Variants in TMEM117 observed in about 807,000 individuals in gnomAD.
TMEM117 encodes transmembrane protein 117.
In TMEM117, 27 loss-of-function variants were observed where a neutral mutation model predicts 52.4. The ratio of observed to expected loss-of-function variants is 0.51; its 90% CI spans 0.38 to 0.71. The LOEUF is 0.71. Among genes scored for constraint, TMEM117 ranks in the 30% least tolerant of loss-of-function variants. The pLI, the probability that TMEM117 is intolerant of heterozygous loss-of-function variation, is 0.00. For synonymous variants in TMEM117, 215 were observed against 206.3 expected (o/e 1.04, Z -0.36); for missense variants, 556 against 630.5 (o/e 0.88, Z 1.26).
At position 44,376,380 on chromosome 12, in the gene TMEM117, T is replaced by C. The variant is rs932065428; in HGVS notation, c.769-215T>C. The C allele has an allele frequency of 4.8e-6, 3 of 623,958 alleles. No individual in the cohort carries two copies. The African/African-American group carries it at 5.6e-5, about 12-fold the overall frequency. 38.7% of individuals were successfully genotyped at this position (623,958 alleles called of 1,614,324 possible). A position where few individuals can be genotyped will look rare whatever the true frequency, so the allele number is the denominator to read the frequency against. Reference sequence around the variant, plus strand: ...TCTTATTACCACATTAAAAAGAAAATCTGAAGATATAAGTTATGACTTAAT... The same window carrying C: ...TCTTATTACCACATTAAAAAGAAAACCTGAAGATATAAGTTATGACTTAAT... On this transcript the variant is annotated intron_variant, in intron 6 of 7. Transcript: ENST00000266534.
chr12:44,177,025 A>G (rs1221628234), intron 4 of TMEM117, among the ~76,000 whole-genome samples: 1 of 152,168 alleles, frequency 6.6e-6, no homozygotes, highest in Non-Finnish European at 1.5e-5. Flanking sequence ...CATGTTACTC[A>G]TATTGATAAA....
the TMEM117 span, among the ~76,000 whole-genome samples, chr12:43,815,631 A>G: frequency 6.6e-6 from 1 of 152,246 alleles, no homozygotes; most frequent in Non-Finnish European, 1.5e-5. Flanking sequence ...ATACAAGGTG[A>G]AGAACCCAAA....
the TMEM117 span, among the ~76,000 whole-genome samples, chr12:43,823,405 C>T: frequency 5.3e-5 from 8 of 152,226 alleles, no homozygotes; most frequent in African/African-American, 1.2e-4. Context: ...TGAGGCTAAA[C>T]GATGAGATGA....
At chr12:44,379,009 C>T (rs1592730075) in intron 7 of TMEM117, among the ~76,000 whole-genome samples, 5 of 151,950 alleles carry the variant, frequency 3.3e-5, no homozygotes, top group Middle Eastern at 3.4e-3. Context: ...AGGGGCTGAA[C>T]GTGGTGGCTC....
intron 3 of TMEM117, among the ~76,000 whole-genome samples, chr12:44,060,574 C>T (rs756542013): frequency 4.6e-5 from 7 of 151,998 alleles, no homozygotes; most frequent in Non-Finnish European, 7.4e-5. Flanking sequence ...AAGCTTTGGG[C>T]GAAGTTGTTG....
chr12:43,891,035 C>T (rs1002422548), intron 2 of TMEM117, among the ~76,000 whole-genome samples: 3 of 151,986 alleles, frequency 2.0e-5, no homozygotes, highest in African/African-American at 4.8e-5. Flanking sequence ...GGTGGTCATG[C>T]ATGTGGAGGG....
At chr12:43,986,459 A>G (rs950596256) in intron 3 of TMEM117, among the ~76,000 whole-genome samples, 1 of 152,096 alleles carries the variant, frequency 6.6e-6, no homozygotes, top group East Asian at 1.9e-4. Flanking sequence ...GTCCTATGGC[A>G]TCTATTATTG....
chr12:44,335,779 G>T (rs1386760852), intron 6 of TMEM117, among the ~76,000 whole-genome samples: 1 of 151,936 alleles, frequency 6.6e-6, no homozygotes, highest in Non-Finnish European at 1.5e-5. Context: ...AACAGATTTT[G>T]CTGGATTAAC....
chr12:43,796,990 C>A, the TMEM117 span: 1 of 1,609,696 alleles, frequency 6.2e-7, no homozygotes, highest in South Asian at 1.1e-5. Context: ...CTAATTACAT[C>A]CATTTGTAGT....
chr12:44,199,884 G>A (rs1408642797), intron 4 of TMEM117, among the ~76,000 whole-genome samples: 2 of 152,116 alleles, frequency 1.3e-5, no homozygotes, highest in Non-Finnish European at 2.9e-5. Flanking sequence ...TTGGGAGGCC[G>A]AGGCAGGTGG....
chr12:43,844,571 G>A (rs968049905), intron 1 of TMEM117, 53 bp from the exon 2 acceptor site: 1 of 1,455,950 alleles, frequency 6.9e-7, no homozygotes, highest in Admixed American at 2.2e-5. Context: ...ATAAAAAGAA[G>A]AAAGCCATTA....
chr12:43,931,502 G>A (rs1368793782), intron 2 of TMEM117, among the ~76,000 whole-genome samples: 4 of 152,184 alleles, frequency 2.6e-5, no homozygotes, highest in Non-Finnish European at 4.4e-5. Flanking sequence ...GATATAGTTA[G>A]TAACAATGAT....
chr12:44,063,365 G>A lies in TMEM117; in HGVS notation c.411-80160G>A, dbSNP rs952835448. 1.1e-4 allele frequency among the ~76,000 whole-genome samples: 16 copies of A among 152,172 alleles called. No homozygotes were observed. The East Asian group carries it at 1.9e-3, about 18-fold the overall frequency. On this transcript the variant is annotated intron_variant, in intron 3 of 7. Coordinates refer to ENST00000266534, the MANE Select transcript of TMEM117 (RefSeq NM_032256.3). ...AATGTCAGTCTGCTTTTTGAAATGC[G>A]ATCTCACTGCTCAAAGTAACCTCCA...
At chr12:43,818,430 TG>T in the TMEM117 span, among the ~76,000 whole-genome samples, 2 of 148,320 alleles carry the variant, frequency 1.3e-5, no homozygotes, top group African/African-American at 5.2e-5. Flanking sequence ...GTTTTTTTTT[TG>T]TGTTTTTTTT....
At chr12:44,165,086 C>T (rs1948948159) in intron 4 of TMEM117, among the ~76,000 whole-genome samples, 1 of 152,172 alleles carries the variant, frequency 6.6e-6, no homozygotes, top group Non-Finnish European at 1.5e-5. Flanking sequence ...ACCGCCTTCA[C>T]CCCACACTCT....
At chr12:43,997,179 A>G (rs566095109) in intron 3 of TMEM117, among the ~76,000 whole-genome samples, 101 of 152,338 alleles carry the variant, frequency 6.6e-4, no homozygotes, top group African/African-American at 2.2e-3. Context: ...CATAGAACCC[A>G]GATATATTTG....
chr12:43,988,672 G>A (rs953164202), intron 3 of TMEM117, among the ~76,000 whole-genome samples: 11 of 151,924 alleles, frequency 7.2e-5, no homozygotes, highest in Admixed American at 7.2e-4. Flanking sequence ...TATTATTTGG[G>A]TGATGGATAC....
chr12:44,063,516 G>A (rs1011817835), intron 3 of TMEM117, among the ~76,000 whole-genome samples: 6 of 151,382 alleles, frequency 4.0e-5, no homozygotes, highest in South Asian at 2.1e-4. Context: ...TGTGCACAAC[G>A]TACAGGTTTG....
intron 2 of TMEM117, among the ~76,000 whole-genome samples, chr12:43,868,383 A>T (rs1013212816): frequency 5.3e-5 from 8 of 150,792 alleles, no homozygotes; most frequent in African/African-American, 2.0e-4. Context: ...CTCTACTAAA[A>T]TAATAATAAT....
Sources: gnomAD v4.1 joint callset for allele counts (sites outside exome capture counted in the v4.1 genomes callset) on GRCh38, gnomAD v4.1.1 for gene constraint, MANE v1.5 for transcripts, NCBI Gene and HGNC (gene_info 2026-07-23, HGNC 2026-07-21) for gene names.